The following STRA8 variants were observed in gnomAD, a reference collection of about 807,000 sequenced individuals.
STRA8 encodes stimulated by retinoic acid 8, also known as stimulated by retinoic acid gene 8 protein homolog.
STRA8 carries 18 observed loss-of-function variants against 37.1 expected under a neutral mutation model. That is an observed-to-expected ratio of 0.48 (90% confidence interval 0.34 to 0.72). STRA8 has a LOEUF of 0.72. Among genes scored for constraint, STRA8 ranks in the 30% least tolerant of loss-of-function variants. The pLI is 0.01. For synonymous variants in STRA8, 168 were observed against 162.9 expected (o/e 1.03, Z -0.24); for missense variants, 357 against 410.4 (o/e 0.87, Z 1.13).
intron 8 of STRA8, among the ~76,000 whole-genome samples, chr7:135,256,529 G>C (rs1009573524): frequency 6.6e-6 from 1 of 152,228 alleles, no homozygotes; most frequent in Non-Finnish European, 1.5e-5. Context: ...GTATGGCCGG[G>C]TGCAGTGGCT....
chr7:135,242,228 G>A (rs565805795), intron 2 of STRA8, among the ~76,000 whole-genome samples: 4 of 114,588 alleles, frequency 3.5e-5, no homozygotes, highest in African/African-American at 1.3e-4. Flanking sequence ...GAAGGGAGGG[G>A]AGGGAGGGAG....
rs528343035 is a variant in STRA8, at chr7:135,245,560, C to T, written c.593+33C>T. ...CAGTTGGGTGGGGTGGCTCTGTGCA[C>T]CCATGGAGCTCCCTCCCATGGGGAA... On this transcript the variant is annotated intron_variant, in intron 5 of 8. Coordinates refer to ENST00000662584, the MANE Select transcript of STRA8 (RefSeq NM_001394401.1). Among the ~76,000 whole-genome samples, 79 of 152,250 alleles carry T rather than the reference C, an allele frequency of 5.2e-4. 2 individuals carry two copies. The South Asian group carries it at 0.015, about 29-fold the overall frequency.
At position 135,246,528 on chromosome 7, in the gene STRA8, G is replaced by A. The variant is rs1305004652; in HGVS notation, c.705G>A (p.Gln235=). ...IVSAAISHLW[Q]NLSEERKASL... The stretch of plus-strand genomic sequence containing the variant: ...CCGCGGCCATCTCCCACCTGTGGCA[G>A]AACCTCTCGGAGGAGAGGAAGGCCA... Residue 235 remains glutamine, a synonymous_variant, in exon 6 of 9, where the codon CAG becomes CAA. Coordinates refer to ENST00000662584, the MANE Select transcript of STRA8 (RefSeq NM_001394401.1). The surrounding 1 kb of genome is among the most constrained non-coding windows in gnomAD (Gnocchi z 5.4). 6.3e-7 allele frequency: 1 copy of A among 1,575,060 alleles called. No individual in the cohort carries two copies. Among genetic ancestry groups the A allele is most frequent in the Admixed American group, 1.8e-5 (1 of 54,802 alleles).
intron 6 of STRA8, 31 bp from the exon 7 acceptor site, chr7:135,251,765 C>T (rs143517906): frequency 0.025 from 40,191 of 1,608,652 alleles, 651 homozygotes; most frequent in Non-Finnish European, 0.03. Flanking sequence ...CAAGTTATTT[C>T]CAACACATGA....
At chr7:135,240,068 A>C (rs77895906) in intron 1 of STRA8, among the ~76,000 whole-genome samples, 7 of 152,198 alleles carry the variant, frequency 4.6e-5, no homozygotes, top group Non-Finnish European at 8.8e-5. Context: ...GAACAGACTA[A>C]AGTAAAGCCT....
At chr7:135,257,942 A>C (rs1832724603) in intron 8 of STRA8, among the ~76,000 whole-genome samples, 1 of 152,218 alleles carries the variant, frequency 6.6e-6, no homozygotes, top group Non-Finnish European at 1.5e-5. Flanking sequence ...TCTTTCAAAC[A>C]CAAATAGTAG....
At position 135,246,395 on chromosome 7, in the gene STRA8, G is replaced by A. The variant is rs1390756446; in HGVS notation, c.594-22G>A. The A allele has an allele frequency of 1.9e-6, 3 of 1,587,672 alleles. No homozygotes were observed. Among genetic ancestry groups the A allele is most frequent in the Non-Finnish European group, 2.6e-6 (3 of 1,165,518 alleles). ...TCGAGAGGGAGCTTTAGGGGTGCGA[G>A]ACGGCGCCGCTTCTGTTCCAGGTAT... On this transcript the variant is annotated intron_variant, in intron 5 of 8. Coordinates refer to ENST00000662584, the MANE Select transcript of STRA8 (RefSeq NM_001394401.1). The surrounding 1 kb of genome is among the most constrained non-coding windows in gnomAD (Gnocchi z 5.4).
chr7:135,245,338 C>G lies in STRA8; in HGVS notation c.404C>G (p.Thr135Ser). The part of the protein sequence containing the change: ...PQNGSSPWCP[T>S]EAVRKDAEEE... ...AATGGTTCCTCCCCTTGGTGCCCAACTGAGGCAGTCAGGAAGGATGCTGAG... is the reference window on the plus strand; with the variant it reads ...AATGGTTCCTCCCCTTGGTGCCCAAGTGAGGCAGTCAGGAAGGATGCTGAG... The change falls in exon 5 of 9, where the codon ACT (threonine) becomes AGT (serine). Residue 135 changes from threonine (T) to serine (S), a missense_variant. Physicochemically the swap from Thr to Ser is moderately conservative, Grantham distance 58. Transcript: ENST00000662584. 1.3e-6 allele frequency: 1 copy of G among 780,770 alleles called. No homozygotes were observed. Among genetic ancestry groups the G allele is most frequent in the Non-Finnish European group, 2.4e-6 (1 of 418,092 alleles). The allele number at this position is 780,770 out of a possible 1,614,324, so 48.4% of individuals were successfully genotyped here.
chr7:135,251,622 C>A (rs1409820645), intron 6 of STRA8, among the ~76,000 whole-genome samples, 174 bp from the exon 7 acceptor site: 1 of 152,050 alleles, frequency 6.6e-6, no homozygotes, highest in African/African-American at 2.4e-5. Context: ...AGCATTTACC[C>A]CCTAGGAAGA....
At chr7:135,258,361 C>T in intron 8 of STRA8, 57 bp from the exon 9 acceptor site, 3 of 1,457,104 alleles carry the variant, frequency 2.1e-6, no homozygotes, top group Non-Finnish European at 2.8e-6. Context: ...TTCCTATCTG[C>T]CTCGGGCCCA....
In STRA8 at chr7:135,246,598, C is replaced by T; in HGVS notation, c.775C>T (p.Leu259=). The T allele has an allele frequency of 6.5e-7, 1 of 1,538,824 alleles. No homozygotes were observed. Among genetic ancestry groups the T allele is most frequent in the South Asian group, 1.2e-5 (1 of 83,860 alleles). ...GCAGAAGCACCGCGGCCCTGCGACCCTGGCGGAGGCCTGCCGAGAGCCGGC... is the reference window on the plus strand; with the variant it reads ...GCAGAAGCACCGCGGCCCTGCGACCTTGGCGGAGGCCTGCCGAGAGCCGGC... ...WAQKHRGPAT[L]AEACREPACA... is the part of the protein sequence containing the mutation. The change falls in exon 6 of 9, where the codon CTG becomes TTG. Residue 259 remains leucine, a synonymous_variant. Coordinates refer to ENST00000662584, the MANE Select transcript of STRA8 (RefSeq NM_001394401.1). The surrounding 1 kb of genome is among the most constrained non-coding windows in gnomAD (Gnocchi z 5.4).
intron 7 of STRA8, among the ~76,000 whole-genome samples, chr7:135,252,132 A>G (rs550203058): frequency 6.6e-6 from 1 of 152,000 alleles, no homozygotes; most frequent in South Asian, 2.1e-4. Flanking sequence ...GCTACAAAGA[A>G]CTACCTGAGA....
intron 6 of STRA8, among the ~76,000 whole-genome samples, chr7:135,249,823 T>G (rs1832613706): frequency 6.6e-6 from 1 of 152,190 alleles, no homozygotes; most frequent in Non-Finnish European, 1.5e-5. Context: ...ATCTAATGTC[T>G]CCAAATCATG....
rs185999232 is a variant in STRA8, at chr7:135,243,345, T to C, written c.288T>C (p.Asp96=). The change falls in exon 4 of 9, where the codon GAT becomes GAC. Residue 96 remains aspartate, a synonymous_variant. Transcript: ENST00000662584. ...CAATAGCATCCTTCAACCTGGAAGATGGGCATGCAAGCAGCTTAGAGGAGG... is the reference window on the plus strand; with the variant it reads ...CAATAGCATCCTTCAACCTGGAAGACGGGCATGCAAGCAGCTTAGAGGAGG... The part of the protein sequence containing the change: ...LKLKASFNLE[D]GHASSLEEVK... 9 of 1,614,170 alleles carry C rather than the reference T, an allele frequency of 5.6e-6. No homozygotes were observed. The highest frequency in any genetic ancestry group is 1.7e-5 in the Admixed American group (1 of 60,030).
At chr7:135,234,166 G>A (rs1832335775) in intron 1 of STRA8, among the ~76,000 whole-genome samples, 2 of 151,858 alleles carry the variant, frequency 1.3e-5, no homozygotes, top group Non-Finnish European at 2.9e-5. Flanking sequence ...GAGTGCAATG[G>A]CGAGATCTCA....
intron 1 of STRA8, among the ~76,000 whole-genome samples, chr7:135,235,044 G>A (rs1488318116): frequency 6.6e-6 from 1 of 151,610 alleles, no homozygotes; most frequent in East Asian, 2.0e-4. Context: ...GATAATTTTT[G>A]TATTTTTTGT....
In STRA8 at chr7:135,251,862, A is replaced by C. The variant is rs1326656733; in HGVS notation, c.946A>C (p.Ser316Arg). ...CAAAAGTGAGGTTCCGAGTACATCT[A>C]GCTCCAGGTGAGGAAGAGGGTGTGA... ...LDKSEVPSTSSSSSVLASCNP... is the reference protein window; with the variant it reads ...LDKSEVPSTSRSSSVLASCNP... Residue 316 changes from serine to arginine, a missense_variant, in exon 7 of 9, where the codon AGC (serine) becomes CGC (arginine). Ser to Arg is a moderately radical substitution (Grantham distance 110). Coordinates refer to ENST00000662584, the MANE Select transcript of STRA8 (RefSeq NM_001394401.1). 18 of 1,613,976 alleles carry C rather than the reference A, an allele frequency of 1.1e-5. No homozygotes were observed. Among genetic ancestry groups the C allele is most frequent in the Non-Finnish European group, 1.5e-5 (18 of 1,180,004 alleles).
At chr7:135,235,215 C>T (rs1253963274) in intron 1 of STRA8, among the ~76,000 whole-genome samples, 2 of 152,072 alleles carry the variant, frequency 1.3e-5, no homozygotes, top group South Asian at 2.1e-4. Flanking sequence ...GAGCTATGGC[C>T]ATTCTGAAAG....
chr7:135,258,598 G>T lies in STRA8; in HGVS notation c.*106G>T. 1.2e-6 allele frequency: 1 copy of T among 838,902 alleles called. No individual in the cohort carries two copies. The highest frequency in any genetic ancestry group is 2.7e-5 in the East Asian group (1 of 36,762). The allele number at this position is 838,902 out of a possible 1,614,324, so 52.0% of individuals were successfully genotyped here. A position where few individuals can be genotyped will look rare whatever the true frequency, so the allele number is the denominator to read the frequency against. ...CTGCCTTGGCCTCCAGGACTCTTTG[G>T]AGTGGGTTGTTCCAGAAGCATTTTG... On this transcript the variant is annotated 3_prime_UTR_variant, in exon 9 of 9. Transcript: ENST00000662584.
Sources: allele counts gnomAD v4.1 joint callset (sites outside exome capture counted in the v4.1 genomes callset), GRCh38; gene constraint gnomAD v4.1.1; non-coding constraint Gnocchi (gnomAD v3.1); transcripts MANE v1.5; gene names NCBI Gene and HGNC (gene_info 2026-07-23, HGNC 2026-07-21).